AIG1: variants seen among roughly 807,000 people sequenced by gnomAD.
AIG1 encodes androgen-induced gene 1 protein.
AIG1 carries 23 observed loss-of-function variants against 31.4 expected under a neutral mutation model. The observed-to-expected ratio is 0.73, with a 90% CI of 0.53 to 1.04. AIG1 has a LOEUF of 1.04. Ranked by LOEUF, AIG1 falls within the 50% of genes least tolerant of loss-of-function variation. The pLI is 0.00. For missense variants in AIG1, 274 were observed against 295.0 expected (o/e 0.93, Z 0.52); for synonymous variants, 100 against 110.5 (o/e 0.90, Z 0.60).
rs1388599692 is a variant in AIG1, at chr6:143,258,970, A to G, written c.400-25140A>G. ...AGCAGAGGTCAACAGAGACCTTGGC[A>G]AAACCATTTCCAGCAGATGATGGGG... On this transcript the variant is annotated intron_variant, in intron 3 of 5. Transcript: ENST00000357847. This position sits in a 1 kb window ranked among gnomAD's most constrained non-coding sequence, Gnocchi z 4.7. Among the ~76,000 whole-genome samples, 3 of 152,232 alleles carry G rather than the reference A, an allele frequency of 2.0e-5. No individual in the cohort carries two copies. The East Asian group carries it at 5.8e-4, about 29-fold the overall frequency.
At position 143,284,360 on chromosome 6, in the gene AIG1, G is replaced by A; in HGVS notation, c.515+135G>A. 4 of 601,442 alleles carry A rather than the reference G, an allele frequency of 6.7e-6. No individual in the cohort carries two copies. The highest frequency in any genetic ancestry group is 8.7e-6 in the Non-Finnish European group (3 of 344,864). The allele number at this position is 601,442 out of a possible 1,614,324, so 37.3% of individuals were successfully genotyped here. A position where few individuals can be genotyped will look rare whatever the true frequency, so the allele number is the denominator to read the frequency against. On this transcript the variant is annotated intron_variant, in intron 4 of 5. Coordinates refer to ENST00000357847, the MANE Select transcript of AIG1 (RefSeq NM_016108.4). This position sits in a 1 kb window ranked among gnomAD's most constrained non-coding sequence, Gnocchi z 4.4. ...GCATTTGGTCCAAGACCTGGGCTTT[G>A]TCTCGTTTCCCCAGATGCTTATATT...
At position 143,291,186 on chromosome 6, in the gene AIG1, C is replaced by T. The variant is rs1046242511; in HGVS notation, c.515+6961C>T. Among the ~76,000 whole-genome samples, 1 of 152,130 alleles carries T rather than the reference C, an allele frequency of 6.6e-6. No individual in the cohort carries two copies. The highest frequency in any genetic ancestry group is 1.5e-5 in the Non-Finnish European group (1 of 68,016). On this transcript the variant is annotated intron_variant, in intron 4 of 5. Coordinates refer to ENST00000357847, the MANE Select transcript of AIG1 (RefSeq NM_016108.4). The surrounding 1 kb of genome is among the most constrained non-coding windows in gnomAD (Gnocchi z 4.2). Reference sequence around the variant, plus strand: ...TATGGCAGGGCAGAGGGAGGGGGAGCTGTAAAGCCGCCTGTGATCCCATCA... The same window carrying T: ...TATGGCAGGGCAGAGGGAGGGGGAGTTGTAAAGCCGCCTGTGATCCCATCA...
At chr6:143,307,383 G>A (rs1200092832) in intron 4 of AIG1, among the ~76,000 whole-genome samples, 2 of 152,126 alleles carry the variant, frequency 1.3e-5, no homozygotes, top group Non-Finnish European at 1.5e-5. Flanking sequence ...TTTTGATGTG[G>A]ATGTCCTTTC....
rs1352772776 is a variant in AIG1 at position 143,220,778 on chromosome 6, C to T, written c.399+55595C>T. ...TCTCCTTGATCACATGCAGAGCACA[C>T]ACCACCTCAGCTGGCAGCACATTTA... On this transcript the variant is annotated intron_variant, in intron 3 of 5. Coordinates refer to ENST00000357847, the MANE Select transcript of AIG1 (RefSeq NM_016108.4). Among the ~76,000 whole-genome samples the T allele has an allele frequency of 2.6e-5, 4 of 152,238 alleles. No individual in the cohort carries two copies. The East Asian group carries it at 7.7e-4, about 29-fold the overall frequency.
Position 143,225,665 on chromosome 6 carries a change from G to GA in AIG1, c.400-58437dup, listed in dbSNP as rs528365441. The stretch of plus-strand genomic sequence containing the variant: ...AAAGAGGCAGCTTATTTAATAATTA[G>GA]AAAAAAAACCCTGTAGCTCCAAGAA... On this transcript the variant is annotated intron_variant, in intron 3 of 5. Coordinates refer to ENST00000357847, the MANE Select transcript of AIG1 (RefSeq NM_016108.4). Among the ~76,000 whole-genome samples, 602 of 151,754 alleles carry GA rather than the reference G, an allele frequency of 4.0e-3. 4 individuals carry two copies. The highest frequency in any genetic ancestry group is 0.014 in the African/African-American group (559 of 41,372).
chr6:143,110,288 AT>A lies in AIG1; in HGVS notation c.142-26539del, dbSNP rs200263932. 3.2e-3 allele frequency among the ~76,000 whole-genome samples: 489 copies of A among 152,174 alleles called. 6 individuals carry two copies. The highest frequency in any genetic ancestry group is 0.011 in the African/African-American group (474 of 41,530). ...TTCTCCAACTTTGTTCTTCAATATAATTTTTTTTATTCTTGAGCTTTTGCAT... is the reference window on the plus strand; with the variant it reads ...TTCTCCAACTTTGTTCTTCAATATAATTTTTTTATTCTTGAGCTTTTGCAT... On this transcript the variant is annotated intron_variant, in intron 1 of 5. Transcript: ENST00000357847.
intron 1 of AIG1, among the ~76,000 whole-genome samples, chr6:143,076,314 A>G (rs1057165453): frequency 6.6e-6 from 1 of 152,206 alleles, no homozygotes; most frequent in Non-Finnish European, 1.5e-5. Context: ...TCACTATAAA[A>G]TGTTCTTATT....
chr6:143,297,965 C>T lies in AIG1; in HGVS notation c.515+13740C>T, dbSNP rs1359299799. 6.6e-6 allele frequency among the ~76,000 whole-genome samples: 1 copy of T among 151,328 alleles called. No homozygotes were observed. Among genetic ancestry groups the T allele is most frequent in the Non-Finnish European group, 1.5e-5 (1 of 67,928 alleles). ...CACCCATAAAGCTGAGAATTACGTA[C>T]AAAACTCTTACATAAATTAAAATGA... On this transcript the variant is annotated intron_variant, in intron 4 of 5. Transcript: ENST00000357847. This position sits in a 1 kb window ranked among gnomAD's most constrained non-coding sequence, Gnocchi z 5.1.
At chr6:143,061,539 G>A (rs1265827331) in intron 1 of AIG1, 2 of 321,030 alleles carry the variant, frequency 6.2e-6, no homozygotes, top group East Asian at 1.6e-4. Context: ...TCACCTGAAA[G>A]AACCAAATCC....
chr6:143,289,889 A>G (rs534679314), intron 4 of AIG1, among the ~76,000 whole-genome samples: 2 of 152,310 alleles, frequency 1.3e-5, no homozygotes, highest in African/African-American at 4.8e-5. Flanking sequence ...ACCACATTCA[A>G]TTCCTTCCAT....
chr6:143,198,967 C>G (rs908478029), intron 3 of AIG1, among the ~76,000 whole-genome samples: 1 of 152,034 alleles, frequency 6.6e-6, no homozygotes, highest in Admixed American at 6.6e-5. Flanking sequence ...TTTGATAAAC[C>G]TACAAATAAG....
intron 3 of AIG1, among the ~76,000 whole-genome samples, chr6:143,242,782 C>T (rs1177008524): frequency 1.3e-5 from 2 of 152,154 alleles, no homozygotes; most frequent in East Asian, 3.8e-4. Context: ...CACCCATTAG[C>T]CTGACACAAA....
intron 4 of AIG1, among the ~76,000 whole-genome samples, chr6:143,322,292 C>G (rs1281920658): frequency 6.6e-6 from 1 of 152,144 alleles, no homozygotes; most frequent in Non-Finnish European, 1.5e-5. Context: ...GAGAGAGACA[C>G]TGAAGATAAT....
chr6:143,304,562 C>A (rs962099236), intron 4 of AIG1, among the ~76,000 whole-genome samples: 2 of 152,154 alleles, frequency 1.3e-5, no homozygotes, highest in African/African-American at 4.8e-5. Flanking sequence ...AGCCTTGCAT[C>A]CCAGGGATGA....
intron 3 of AIG1, among the ~76,000 whole-genome samples, chr6:143,212,458 G>A (rs534080762): frequency 1.8e-4 from 27 of 152,098 alleles, no homozygotes; most frequent in Admixed American, 8.5e-4. Flanking sequence ...CATCACCTGT[G>A]GTAGTACAAG....
chr6:143,265,965 C>T (rs1273935444), intron 3 of AIG1, among the ~76,000 whole-genome samples: 2 of 152,224 alleles, frequency 1.3e-5, no homozygotes, highest in Admixed American at 6.5e-5. Context: ...ATTCAAATGT[C>T]ATTCAGTGGC....
At chr6:143,266,179 C>G (rs533053545) in intron 3 of AIG1, among the ~76,000 whole-genome samples, 2 of 152,144 alleles carry the variant, frequency 1.3e-5, no homozygotes, top group Non-Finnish European at 2.9e-5. Flanking sequence ...GAAACCCCAT[C>G]TCTACTAAAA....
intron 3 of AIG1, among the ~76,000 whole-genome samples, chr6:143,255,740 A>G (rs1342011526): frequency 3.3e-5 from 5 of 152,148 alleles, no homozygotes; most frequent in Non-Finnish European, 7.4e-5. Flanking sequence ...GAGAGGGATC[A>G]CACTCTATGG....
chr6:143,170,475 T>C (rs1466785801), intron 3 of AIG1, among the ~76,000 whole-genome samples: 1 of 152,052 alleles, frequency 6.6e-6, no homozygotes, highest in East Asian at 1.9e-4. Context: ...CGTATTTCTA[T>C]GGTATCAGTT....
Sources: allele counts gnomAD v4.1 joint callset (sites outside exome capture counted in the v4.1 genomes callset), GRCh38; gene constraint gnomAD v4.1.1; non-coding constraint Gnocchi (gnomAD v3.1); transcripts MANE v1.5; gene names NCBI Gene and HGNC (gene_info 2026-07-23, HGNC 2026-07-21).